The following ANKH variants were observed in gnomAD, a reference collection of about 807,000 sequenced individuals.
ANKH encodes ANKH inorganic pyrophosphate transport regulator, also known as mineralization regulator ANKH.
A neutral mutation model predicts 49.0 loss-of-function variants in ANKH; 15 were observed. The observed-to-expected ratio is 0.31, with a 90% CI of 0.20 to 0.47. ANKH has a LOEUF of 0.47. ANKH is among the 20% of genes least tolerant of loss of function. The probability of loss-of-function intolerance (pLI) is 1.00; values close to 1 mark genes in which losing one functional copy is unlikely to be tolerated. For missense variants in ANKH, 429 were observed against 652.0 expected (o/e 0.66, Z 3.72); for synonymous variants, 273 against 260.0 (o/e 1.05, Z -0.48).
chr5:14,775,858 G>A (rs1201321640), intron 1 of ANKH, among the ~76,000 whole-genome samples: 1 of 152,218 alleles, frequency 6.6e-6, no homozygotes, highest in Admixed American at 6.5e-5. Context: ...CAGGACAGGG[G>A]CTGCCACTGG....
At chr5:14,838,035 T>C (rs967439705) in intron 1 of ANKH, among the ~76,000 whole-genome samples, 2 of 152,148 alleles carry the variant, frequency 1.3e-5, no homozygotes, top group Non-Finnish European at 2.9e-5. Flanking sequence ...ACACTGCATG[T>C]TATCACTCAT....
intron 8 of ANKH, among the ~76,000 whole-genome samples, chr5:14,719,187 C>G (rs561150781): frequency 6.6e-6 from 1 of 152,326 alleles, no homozygotes; most frequent in Non-Finnish European, 1.5e-5. Context: ...TTCTCAATAG[C>G]ACTGAAAGCT....
intron 1 of ANKH, among the ~76,000 whole-genome samples, chr5:14,802,470 T>C (rs182578751): frequency 1.4e-3 from 219 of 152,284 alleles, no homozygotes; most frequent in Non-Finnish European, 2.8e-3. Context: ...GACCTTATCG[T>C]TGTCCCCTCG....
intron 1 of ANKH, among the ~76,000 whole-genome samples, chr5:14,812,619 CCTA>C (rs937676402): frequency 4.5e-4 from 69 of 152,272 alleles, no homozygotes; most frequent in African/African-American, 1.4e-3. Context: ...TAGCAATAAT[CCTA>C]CTAAGTCAGT....
At chr5:14,735,333 C>A (rs535913121) in intron 8 of ANKH, among the ~76,000 whole-genome samples, 1 of 152,192 alleles carries the variant, frequency 6.6e-6, no homozygotes, top group East Asian at 1.9e-4. Context: ...CCCCTACTCA[C>A]ATGGAGAATC....
At chr5:14,812,243 A>ATT (rs937710931) in intron 1 of ANKH, among the ~76,000 whole-genome samples, 7 of 147,040 alleles carry the variant, frequency 4.8e-5, no homozygotes, top group African/African-American at 1.7e-4. Flanking sequence ...CAAACTTATT[A>ATT]TTTTTTTTTT....
At chr5:14,731,039 GCA>G (rs1737982973) in intron 8 of ANKH, among the ~76,000 whole-genome samples, 1 of 152,244 alleles carries the variant, frequency 6.6e-6, no homozygotes, top group African/African-American at 2.4e-5. Flanking sequence ...CCAAGGCAAA[GCA>G]CAGAGCGAGG....
intron 1 of ANKH, among the ~76,000 whole-genome samples, chr5:14,818,193 C>T (rs920925487): frequency 1.3e-5 from 2 of 152,024 alleles, no homozygotes; most frequent in Non-Finnish European, 2.9e-5. Context: ...TCTTTTCTCT[C>T]ACCTGCCTTA....
chr5:14,847,974 C>T (rs888717068), intron 1 of ANKH, among the ~76,000 whole-genome samples: 1 of 152,164 alleles, frequency 6.6e-6, no homozygotes, highest in African/African-American at 2.4e-5. Flanking sequence ...GAAACCCCAG[C>T]TCTACTAAAA....
At chr5:14,809,948 T>A (rs1740827158) in intron 1 of ANKH, among the ~76,000 whole-genome samples, 1 of 151,974 alleles carries the variant, frequency 6.6e-6, no homozygotes, top group Non-Finnish European at 1.5e-5. Context: ...CACAGGAAGT[T>A]AGTTTCTGGG....
At chr5:14,753,104 A>G (rs989519507) in intron 4 of ANKH, among the ~76,000 whole-genome samples, 9 of 151,930 alleles carry the variant, frequency 5.9e-5, no homozygotes, top group African/African-American at 2.2e-4. Flanking sequence ...GAGGAGGGAC[A>G]CCTCCTCCCC....
chr5:14,783,620 C>CA (rs2126533351), intron 1 of ANKH, among the ~76,000 whole-genome samples: 1 of 152,298 alleles, frequency 6.6e-6, no homozygotes, highest in East Asian at 1.9e-4. Flanking sequence ...TCAACAGTGT[C>CA]ACTGGTTGTA....
intron 1 of ANKH, among the ~76,000 whole-genome samples, chr5:14,844,763 A>C (rs1164900541): frequency 6.6e-6 from 1 of 152,028 alleles, no homozygotes; most frequent in African/African-American, 2.4e-5. Context: ...GACTTGAAGA[A>C]TTTTTCACGT....
At position 14,705,297 on chromosome 5, in the gene ANKH, A is replaced by G. The variant is rs943784205; in HGVS notation, c.*5900T>C. The stretch of plus-strand genomic sequence containing the variant: ...CTTAATTTTGTTTAAAAAAAAAAAA[A>G]TCTAGATCACTGCTAATGTTCAGAT... On this transcript the variant is annotated 3_prime_UTR_variant, in exon 12 of 12. Transcript: ENST00000284268. 1.2e-4 allele frequency: 18 copies of G among 152,190 alleles called. No homozygotes were observed. Among genetic ancestry groups the G allele is most frequent in the Admixed American group, 6.5e-5 (1 of 15,282 alleles). The allele number at this position is 152,190 out of a possible 1,614,324, so 9.4% of individuals were successfully genotyped here. A position where few individuals can be genotyped will look rare whatever the true frequency, so the allele number is the denominator to read the frequency against.
intron 8 of ANKH, among the ~76,000 whole-genome samples, chr5:14,732,226 T>G (rs577070731): frequency 1.3e-5 from 2 of 152,274 alleles, no homozygotes; most frequent in Admixed American, 6.5e-5. Context: ...CATCTCTGTG[T>G]TAGCAAGAAG....
chr5:14,774,916 T>G (rs1739563807), intron 1 of ANKH, among the ~76,000 whole-genome samples: 1 of 151,768 alleles, frequency 6.6e-6, no homozygotes, highest in African/African-American at 2.4e-5. Flanking sequence ...TGATATGTAC[T>G]GAAGACAAAA....
chr5:14,751,321 C>T, intron 4 of ANKH, 82 bp from the exon 5 acceptor site: 1 of 1,401,098 alleles, frequency 7.1e-7, no homozygotes, highest in Non-Finnish European at 1.0e-6. Context: ...GCTCTTGAAC[C>T]TGAGACAGAC....
chr5:14,851,104 C>T (rs1178096395), intron 1 of ANKH, among the ~76,000 whole-genome samples: 2 of 152,138 alleles, frequency 1.3e-5, no homozygotes, highest in Non-Finnish European at 1.5e-5. Flanking sequence ...CTACGACCCA[C>T]ACAATGCTGC....
chr5:14,798,619 CA>C (rs1457354223), intron 1 of ANKH, among the ~76,000 whole-genome samples: 20 of 152,090 alleles, frequency 1.3e-4, no homozygotes, highest in African/African-American at 4.1e-4. Context: ...GTAACTCTCG[CA>C]ATATTTCAAA....
Sources: allele counts gnomAD v4.1 joint callset (sites outside exome capture counted in the v4.1 genomes callset), GRCh38; gene constraint gnomAD v4.1.1; transcripts MANE v1.5; gene names NCBI Gene and HGNC (gene_info 2026-07-23, HGNC 2026-07-21).